The following FMN1 variants were observed in gnomAD, a reference collection of about 807,000 sequenced individuals.
FMN1 encodes the protein formin-1.
FMN1 carries 110 observed loss-of-function variants against 132.4 expected under a neutral mutation model. That is an observed-to-expected ratio of 0.83 (90% CI 0.71 to 0.97). The LOEUF is 0.97. Among genes scored for constraint, FMN1 ranks in the 50% least tolerant of loss-of-function variants. FMN1 has a pLI of 0.00. For synonymous variants in FMN1, 722 were observed against 651.7 expected (o/e 1.11, Z -1.64); for missense variants, 1,792 against 1,705.3 (o/e 1.05, Z -0.90).
chr15:32,918,071 A>C lies in FMN1; in HGVS notation c.3227-7536T>G, dbSNP rs376219177. ...TATTTGCAGTTCTTCAAAAATAATC[A>C]ATATTGCAGCTAAGGCACAGCAGAC... On this transcript the variant is annotated intron_variant, in intron 10 of 20. Transcript: ENST00000616417. Among the ~76,000 whole-genome samples the C allele has an allele frequency of 1.3e-5, 2 of 152,250 alleles. 1 individual carries two copies. The highest frequency in any genetic ancestry group is 4.8e-5 in the African/African-American group (2 of 41,542).
intron 17 of FMN1, among the ~76,000 whole-genome samples, chr15:32,851,140 A>G (rs1354717787): frequency 6.6e-6 from 1 of 152,196 alleles, no homozygotes; most frequent in East Asian, 1.9e-4. Flanking sequence ...AAATAGTTTC[A>G]TAGACTAGGG....
intron 10 of FMN1, among the ~76,000 whole-genome samples, chr15:32,915,700 C>T (rs936748667): frequency 3.3e-5 from 5 of 152,248 alleles, no homozygotes; most frequent in African/African-American, 1.2e-4. Flanking sequence ...AACACTCCTG[C>T]AGATGGTGTC....
chr15:32,965,809 C>T (rs1022129954), intron 8 of FMN1, among the ~76,000 whole-genome samples: 3 of 152,144 alleles, frequency 2.0e-5, no homozygotes, highest in Non-Finnish European at 4.4e-5. Context: ...TAAAGTATAA[C>T]AATAGAATGA....
In FMN1 at chr15:33,041,623, C is replaced by G. The variant is rs937771399; in HGVS notation, c.2161+23334G>C. Among the ~76,000 whole-genome samples the G allele has an allele frequency of 7.2e-5, 11 of 152,092 alleles. No homozygotes were observed. In the East Asian group the frequency reaches 2.1e-3, roughly 29 times the overall value. On this transcript the variant is annotated intron_variant, in intron 6 of 20. Transcript: ENST00000616417. ...GCTAATAAGCAAATGAAAAGATGCT[C>G]AACCTTACTAATCATTAGAGGAATG... is the stretch of plus-strand genomic sequence containing the variant.
chr15:33,154,871 G>T lies in FMN1; in HGVS notation c.44C>A (p.Thr15Lys). The T allele has an allele frequency of 6.5e-7, 1 of 1,536,162 alleles. No homozygotes were observed. Among genetic ancestry groups the T allele is most frequent in the South Asian group, 1.2e-5 (1 of 84,048 alleles). Residue 15 changes from threonine (T) to lysine (K), a missense_variant, in exon 4 of 21, where the codon ACG (threonine) becomes AAG (lysine). Around this residue, in one of 3 missense-constraint regions of FMN1, gnomAD observed 638 missense variants for 645.2 expected, o/e 0.99. Coordinates refer to ENST00000616417, the MANE Select transcript of FMN1 (RefSeq NM_001277313.2). ...HCTLQLHKPITELCYISFCLP... is the reference protein window; with the variant it reads ...HCTLQLHKPIKELCYISFCLP... ...ACAGAAGCTGATGTAGCAGAGTTCC[G>T]TAATGGGCTTATGCAATTGGAGGGT... is the stretch of plus-strand genomic sequence containing the variant.
intron 7 of FMN1, among the ~76,000 whole-genome samples, chr15:33,001,351 T>C (rs942863402): frequency 1.2e-4 from 19 of 152,228 alleles, no homozygotes; most frequent in African/African-American, 4.6e-4. Flanking sequence ...CAAAGATTTA[T>C]TGATTATTTA....
At chr15:33,071,851 G>C (rs749970211) in intron 5 of FMN1, among the ~76,000 whole-genome samples, 5 of 152,182 alleles carry the variant, frequency 3.3e-5, no homozygotes, top group African/African-American at 1.2e-4. Flanking sequence ...CTTGAAAAAT[G>C]AATCTCTTTA....
At chr15:33,187,728 C>T (rs1239702642) in intron 2 of FMN1, among the ~76,000 whole-genome samples, 1 of 152,074 alleles carries the variant, frequency 6.6e-6, no homozygotes, top group African/African-American at 2.4e-5. Context: ...ACTGTCAGTC[C>T]CCTGGAGCCT....
chr15:32,812,747 G>C (rs138911030), intron 17 of FMN1, among the ~76,000 whole-genome samples: 2 of 152,326 alleles, frequency 1.3e-5, no homozygotes, highest in African/African-American at 2.4e-5. Context: ...CTAGTACGAT[G>C]ATATTCGTAA....
chr15:33,080,621 G>A (rs1175088425), intron 5 of FMN1, among the ~76,000 whole-genome samples: 3 of 151,980 alleles, frequency 2.0e-5, no homozygotes, highest in South Asian at 2.1e-4. Context: ...GCATAATGGC[G>A]GGTGCCTGTA....
intron 9 of FMN1, among the ~76,000 whole-genome samples, chr15:32,931,181 G>A (rs1448842207): frequency 6.6e-6 from 1 of 152,120 alleles, no homozygotes; most frequent in Non-Finnish European, 1.5e-5. Flanking sequence ...AGGGTCTTCT[G>A]TGGTTCCATA....
intron 16 of FMN1, among the ~76,000 whole-genome samples, chr15:32,869,385 A>G (rs1026394990): frequency 3.3e-5 from 5 of 152,216 alleles, no homozygotes; most frequent in Non-Finnish European, 7.3e-5. Context: ...AGTAGTTAGG[A>G]AAAGTCTCAC....
chr15:32,791,510 T>A lies in FMN1; in HGVS notation c.4130+7294A>T, dbSNP rs77655034. On this transcript the variant is annotated intron_variant, in intron 19 of 20. Transcript: ENST00000616417. ...TTTAAAGAGATAACTATGATCTAAATTCTGTTTTGGAAAGATAATTGGATG... is the reference window on the plus strand; with the variant it reads ...TTTAAAGAGATAACTATGATCTAAAATCTGTTTTGGAAAGATAATTGGATG... Among the ~76,000 whole-genome samples the A allele has an allele frequency of 5.7e-3, 875 of 152,270 alleles. 8 individuals carry two copies. The highest frequency in any genetic ancestry group is 0.031 in the Middle Eastern group (9 of 294).
At chr15:32,946,004 T>C (rs185363052) in intron 9 of FMN1, among the ~76,000 whole-genome samples, 17 of 152,320 alleles carry the variant, frequency 1.1e-4, no homozygotes, top group Admixed American at 2.0e-4. Context: ...GCTGCTGATA[T>C]GTAAGTGCCA....
intron 19 of FMN1, among the ~76,000 whole-genome samples, chr15:32,778,600 G>A (rs2056566739): frequency 6.6e-6 from 1 of 151,994 alleles, no homozygotes; most frequent in Non-Finnish European, 1.5e-5. Context: ...AAACCACAAT[G>A]GGATACCACT....
At chr15:33,088,460 C>G (rs1460860315) in intron 5 of FMN1, among the ~76,000 whole-genome samples, 1 of 152,072 alleles carries the variant, frequency 6.6e-6, no homozygotes, top group Non-Finnish European at 1.5e-5. Flanking sequence ...ATGTTATTGA[C>G]AAATTTTTAG....
At chr15:32,957,291 A>G (rs7176163) in intron 9 of FMN1, among the ~76,000 whole-genome samples, 12,914 of 131,850 alleles carry the variant, frequency 0.098, 762 homozygotes, top group African/African-American at 0.15. Flanking sequence ...AGTTTATCAG[A>G]GCAGTTCTTT....
chr15:32,982,373 A>G (rs940516369), intron 7 of FMN1, among the ~76,000 whole-genome samples: 5 of 152,186 alleles, frequency 3.3e-5, no homozygotes, highest in African/African-American at 7.2e-5. Flanking sequence ...TTATAAAGTT[A>G]AACACACACT....
intron 5 of FMN1, among the ~76,000 whole-genome samples, chr15:33,069,915 G>A (rs1180808471): frequency 7.0e-6 from 1 of 142,808 alleles, no homozygotes; most frequent in Non-Finnish European, 1.5e-5. Flanking sequence ...AATACCCATT[G>A]ATTAAAATCA....
Sources: gnomAD v4.1 joint callset for allele counts (sites outside exome capture counted in the v4.1 genomes callset) on GRCh38, gnomAD v4.1.1 for gene constraint, gnomAD v4.1.1 regional missense constraint, MANE v1.5 for transcripts, NCBI Gene and HGNC (gene_info 2026-07-23, HGNC 2026-07-21) for gene names.